Variants in SNX16 observed in about 807,000 individuals in gnomAD.
The protein encoded by SNX16 is sorting nexin-16.
SNX16 carries 35 observed loss-of-function variants against 36.7 expected under a neutral mutation model. The observed-to-expected ratio is 0.95, with a 90% CI of 0.73 to 1.27. The LOEUF is 1.27. SNX16 is among the 50% of genes most tolerant of loss of function. SNX16 has a pLI of 0.00. For missense variants in SNX16, 367 were observed against 393.6 expected (o/e 0.93, Z 0.57); for synonymous variants, 134 against 132.0 (o/e 1.02, Z -0.10).
intron 2 of SNX16, among the ~76,000 whole-genome samples, chr8:81,834,648 T>C (rs558572372): frequency 6.6e-6 from 1 of 152,314 alleles, no homozygotes; most frequent in African/African-American, 2.4e-5. Flanking sequence ...CCAATGCAAG[T>C]CTGAAATCCA....
chr8:81,807,929 G>A (rs1371976253), intron 5 of SNX16: 15 of 772,290 alleles, frequency 1.9e-5, no homozygotes, highest in Non-Finnish European at 3.3e-5. Context: ...AACACCAGGT[G>A]CTCCAGGGGC....
intron 4 of SNX16, 146 bp downstream of exon 4, chr8:81,823,646 C>G: frequency 1.7e-6 from 1 of 593,292 alleles, no homozygotes; most frequent in Non-Finnish European, 2.7e-6. Context: ...AAGAAAATCT[C>G]TTGTAGTACT....
chr8:81,833,903 C>T (rs1811378196), intron 2 of SNX16, among the ~76,000 whole-genome samples: 1 of 152,076 alleles, frequency 6.6e-6, no homozygotes. Context: ...ATATGTATTT[C>T]CTTGTACTGT....
At chr8:81,801,730 G>T in intron 7 of SNX16, 137 bp from the exon 8 acceptor site, 2 of 492,984 alleles carry the variant, frequency 4.1e-6, no homozygotes, top group Non-Finnish European at 7.0e-6. Context: ...TTTAATGTAA[G>T]AGTATTTAAA....
intron 4 of SNX16, among the ~76,000 whole-genome samples, chr8:81,816,322 A>G (rs1810490785): frequency 6.6e-6 from 1 of 151,606 alleles, no homozygotes; most frequent in Non-Finnish European, 1.5e-5. Flanking sequence ...CCCGAGTAGC[A>G]GGGATTAGAG....
At chr8:81,803,470 T>TAG (rs1809798528) in intron 5 of SNX16, among the ~76,000 whole-genome samples, 1 of 151,982 alleles carries the variant, frequency 6.6e-6, no homozygotes, top group Non-Finnish European at 1.5e-5. Context: ...AGACTTACAG[T>TAG]AGTAAGCTAG....
rs1303852041 is a variant in SNX16, at chr8:81,839,716, T to C, written c.271A>G (p.Arg91Gly). ...TCCGGATTTTGTTCTTCAGTGTCTCTTGGTCTAGTAGAATACTCAATGGAA... is the reference window on the plus strand; with the variant it reads ...TCCGGATTTTGTTCTTCAGTGTCTCCTGGTCTAGTAGAATACTCAATGGAA... ...ASSIEYSTRP[R>G]DTEEQNPETV... Residue 91 changes from arginine (R) to glycine (G), a missense_variant, in exon 2 of 8, where the codon AGA becomes GGA. Coordinates refer to ENST00000345957, the MANE Select transcript of SNX16 (RefSeq NM_152836.3). 2 of 1,613,902 alleles carry C rather than the reference T, an allele frequency of 1.2e-6. No homozygotes were observed. Among genetic ancestry groups the C allele is most frequent in the South Asian group, 1.1e-5 (1 of 91,076 alleles).
At chr8:81,838,127 G>T (rs955938213) in intron 2 of SNX16, among the ~76,000 whole-genome samples, 7 of 152,064 alleles carry the variant, frequency 4.6e-5, no homozygotes, top group African/African-American at 1.4e-4. Context: ...AAAAATAGAT[G>T]TCTCTCACAA....
chr8:81,809,700 T>G (rs116893678), intron 5 of SNX16, among the ~76,000 whole-genome samples: 47 of 152,346 alleles, frequency 3.1e-4, no homozygotes, highest in African/African-American at 1.1e-3. Flanking sequence ...AGTGGTGATA[T>G]AGAGCAAAAG....
chr8:81,810,846 A>G (rs1810207209), intron 5 of SNX16, among the ~76,000 whole-genome samples: 1 of 152,136 alleles, frequency 6.6e-6, no homozygotes, highest in South Asian at 2.1e-4. Context: ...CTCGGCCACC[A>G]AAAAGTTATC....
chr8:81,819,330 C>T (rs1437322659), intron 4 of SNX16, among the ~76,000 whole-genome samples: 1 of 152,068 alleles, frequency 6.6e-6, no homozygotes, highest in Non-Finnish European at 1.5e-5. Flanking sequence ...TAAGACTGTG[C>T]AATGTAAGAC....
intron 1 of SNX16, among the ~76,000 whole-genome samples, chr8:81,841,106 T>G (rs938283657): frequency 1.3e-5 from 2 of 152,268 alleles, no homozygotes; most frequent in African/African-American, 2.4e-5. Flanking sequence ...TTTGGGAGGA[T>G]GAAGCGGGTG....
intron 5 of SNX16, chr8:81,807,851 A>G (rs1429220818): frequency 5.2e-6 from 4 of 764,780 alleles, no homozygotes; most frequent in East Asian, 2.4e-5. Context: ...GAAACAATTG[A>G]TGAGAGCCTG....
chr8:81,818,662 C>A (rs1810597521), intron 4 of SNX16, among the ~76,000 whole-genome samples: 1 of 152,120 alleles, frequency 6.6e-6, no homozygotes, highest in African/African-American at 2.4e-5. Context: ...GCTGATAGTA[C>A]CTTCCTCTAA....
intron 4 of SNX16, among the ~76,000 whole-genome samples, chr8:81,818,952 G>A (rs985273136): frequency 1.1e-4 from 16 of 151,960 alleles, no homozygotes; most frequent in African/African-American, 3.9e-4. Context: ...CTCCCAAGTA[G>A]TTTTTTAAAA....
In SNX16 at chr8:81,815,754, T is replaced by C. The variant is rs934326974; in HGVS notation, c.612-360A>G. 7.8e-5 allele frequency: 13 copies of C among 166,484 alleles called. 1 individual carries two copies. Among genetic ancestry groups the C allele is most frequent in the African/African-American group, 2.4e-4 (10 of 41,872 alleles). The allele number at this position is 166,484 out of a possible 1,614,324, so 10.3% of individuals were successfully genotyped here. On this transcript the variant is annotated intron_variant, in intron 4 of 7. Transcript: ENST00000345957. ...TCCTTTTATGAATAAATGCAATTTC[T>C]AATTTATACCTCACTTGTTTTTGTT...
intron 2 of SNX16, 58 bp downstream of exon 2, chr8:81,839,552 AAC>A (rs1811641179): frequency 1.4e-6 from 2 of 1,458,598 alleles, no homozygotes; most frequent in African/African-American, 2.8e-5. Flanking sequence ...CACTGGTTTG[AAC>A]ACAGAGATTA....
intron 5 of SNX16, among the ~76,000 whole-genome samples, chr8:81,811,906 G>T (rs1053631054): frequency 6.6e-6 from 1 of 151,806 alleles, no homozygotes; most frequent in Non-Finnish European, 1.5e-5. Context: ...AAATAAACTA[G>T]AAAAAATTGA....
At chr8:81,811,062 A>G (rs1436983269) in intron 5 of SNX16, among the ~76,000 whole-genome samples, 1 of 152,248 alleles carries the variant, frequency 6.6e-6, no homozygotes, top group African/African-American at 2.4e-5. Flanking sequence ...GCAAGAAGAA[A>G]GAATACTATA....
Sources: gnomAD v4.1 joint callset for allele counts (sites outside exome capture counted in the v4.1 genomes callset) on GRCh38, gnomAD v4.1.1 for gene constraint, MANE v1.5 for transcripts, NCBI Gene and HGNC (gene_info 2026-07-23, HGNC 2026-07-21) for gene names.